ATM: variants seen among roughly 807,000 people sequenced by gnomAD.
ATM encodes the protein serine-protein kinase ATM.
Under a neutral mutation model 387.0 loss-of-function variants are expected in ATM, and 308 were observed. The observed-to-expected ratio is 0.80, with a 90% confidence interval of 0.73 to 0.87. ATM has a LOEUF of 0.87. Among genes scored for constraint, ATM ranks in the 40% least tolerant of loss-of-function variants. The pLI, the probability that ATM is intolerant of heterozygous loss-of-function variation, is 0.00. For synonymous variants in ATM, 1,156 were observed against 1,187.3 expected (o/e 0.97, Z 0.54); for missense variants, 3,312 against 3,560.9 (o/e 0.93, Z 1.78).
chr11:108,247,193 T>C, intron 8 of ATM, 66 bp downstream of exon 8: 1 of 1,560,102 alleles, frequency 6.4e-7, no homozygotes, highest in African/African-American at 1.4e-5. Flanking sequence ...ACTGGGCATT[T>C]TGGGCTTTTA....
At chr11:108,359,122 CAA>C (rs1401553049) in intron 61 of ATM, among the ~76,000 whole-genome samples, 2 of 148,122 alleles carry the variant, frequency 1.4e-5, no homozygotes, top group African/African-American at 5.0e-5. Context: ...AAATGGAAAA[CAA>C]AAAAAGGCAG....
At chr11:108,287,758 A>C in intron 27 of ATM, 43 bp downstream of exon 27, 1 of 1,379,252 alleles carries the variant, frequency 7.3e-7, no homozygotes, top group Non-Finnish European at 1.0e-6. Flanking sequence ...TAACTTCACA[A>C]GTTTTTAAAG....
At chr11:108,361,395 G>A (rs1290628413) in intron 61 of ATM, among the ~76,000 whole-genome samples, 7 of 151,512 alleles carry the variant, frequency 4.6e-5, no homozygotes, top group Admixed American at 4.6e-4. Flanking sequence ...CAGATTCAAT[G>A]GCATCCCCAT....
rs1565532289 is a variant in ATM, at chr11:108,331,495, T to C, written c.7567T>C (p.Leu2523=). Reference sequence around the variant, plus strand: ...TAAATTTTTGCCTCTTATGTACCAATTGGCTGCTAGAATGGGGACCAAGAT... The same window carrying C: ...TAAATTTTTGCCTCTTATGTACCAACTGGCTGCTAGAATGGGGACCAAGAT... ...TYKFLPLMYQ[L]AARMGTKMMG... The change falls in exon 51 of 63, where the codon TTG becomes CTG. Residue 2523 remains leucine (L), a synonymous_variant. Coordinates refer to ENST00000675843, the MANE Select transcript of ATM (RefSeq NM_000051.4). 3 of 1,613,566 alleles carry C rather than the reference T, an allele frequency of 1.9e-6. No homozygotes were observed. The highest frequency in any genetic ancestry group is 1.1e-5 in the South Asian group (1 of 91,030).
At chr11:108,224,712 T>C (rs2078654692) in intron 1 of ATM, 1 of 152,226 alleles carries the variant, frequency 6.6e-6, no homozygotes, top group African/African-American at 2.4e-5. Flanking sequence ...CTGAGATATA[T>C]GTTCCCTGAC....
intron 17 of ATM, 68 bp from the exon 18 acceptor site, chr11:108,268,342 G>A (rs2135521059): frequency 7.0e-7 from 1 of 1,424,410 alleles, no homozygotes; most frequent in African/African-American, 1.4e-5. Context: ...GAGGAAATTT[G>A]AGTTAATATG....
At chr11:108,336,311 AAAGAAG>A (rs375553417) in intron 56 of ATM, 9 of 195,980 alleles carry the variant, frequency 4.6e-5, no homozygotes, top group East Asian at 2.7e-4. Context: ...CCCGTTTAAA[AAAGAAG>A]AAGAAGAAGA....
chr11:108,224,686 T>G (rs2078653167), intron 1 of ATM: 1 of 152,236 alleles, frequency 6.6e-6, no homozygotes, highest in East Asian at 1.9e-4. Context: ...AGATCTTGGC[T>G]TTATTATAAA....
At chr11:108,359,058 G>C (rs901301352) in intron 61 of ATM, among the ~76,000 whole-genome samples, 1 of 148,664 alleles carries the variant, frequency 6.7e-6, no homozygotes, top group African/African-American at 2.5e-5. Context: ...CCCATCTCAC[G>C]TGCAGAGACA....
chr11:108,306,760 T>C (rs1211958898), intron 37 of ATM, among the ~76,000 whole-genome samples: 1 of 152,234 alleles, frequency 6.6e-6, no homozygotes, highest in East Asian at 1.9e-4. Flanking sequence ...AAACGTCCCA[T>C]GTGCATCTCA....
chr11:108,337,566 G>C (rs1285224624), intron 56 of ATM, among the ~76,000 whole-genome samples: 1 of 152,180 alleles, frequency 6.6e-6, no homozygotes, highest in Non-Finnish European at 1.5e-5. Context: ...TTTCTAGCAA[G>C]ATACCAGTTA....
intron 16 of ATM, among the ~76,000 whole-genome samples, chr11:108,263,802 A>G (rs2081055403): frequency 6.6e-6 from 1 of 150,900 alleles, no homozygotes; most frequent in African/African-American, 2.4e-5. Context: ...AGGGGATATC[A>G]CCACCGATCC....
intron 39 of ATM, among the ~76,000 whole-genome samples, chr11:108,311,576 T>C (rs1174153127): frequency 6.6e-6 from 1 of 152,038 alleles, no homozygotes; most frequent in Non-Finnish European, 1.5e-5. Context: ...CCTGCACATG[T>C]AGTCCCAGCA....
rs144497088 is a variant in ATM, at chr11:108,327,705, G to A, written c.7036G>A (p.Ala2346Thr). The A allele has an allele frequency of 6.2e-7, 1 of 1,614,034 alleles. No individual in the cohort carries two copies. Among genetic ancestry groups the A allele is most frequent in the Non-Finnish European group, 8.5e-7 (1 of 1,179,964 alleles). ...TCTGAGGGTTTGTGGCAACTGGTTAGCAGAAACGTGCTTAGAAAATCCTGC... is the reference window on the plus strand; with the variant it reads ...TCTGAGGGTTTGTGGCAACTGGTTAACAGAAACGTGCTTAGAAAATCCTGC... ...ECLRVCGNWL[A>T]ETCLENPAVI... Residue 2346 changes from alanine (A) to threonine (T), a missense_variant, in exon 48 of 63, where the codon GCA becomes ACA. This residue lies in a region of ATM where 1,405 missense variants were observed against 1,604.4 expected (regional missense o/e 0.88). Coordinates refer to ENST00000675843, the MANE Select transcript of ATM (RefSeq NM_000051.4).
At position 108,235,763 on chromosome 11, in the gene ATM, G is replaced by A. The variant is rs755618506; in HGVS notation, c.425G>A (p.Ser142Asn). Reference protein sequence around the residue: ...SNGAIYGADCSNILLKDILSV... With the variant: ...SNGAIYGADCNNILLKDILSV... The stretch of plus-strand genomic sequence containing the variant: ...GGTGCTATTTACGGAGCTGATTGTA[G>A]CAACATACTACTCAAAGACATTCTT... The change falls in exon 5 of 63, where the codon AGC becomes AAC. Residue 142 changes from serine (S) to asparagine (N), a missense_variant. Around this residue, in one of 4 missense-constraint regions of ATM, gnomAD observed 1,791 missense variants for 1,804.5 expected, o/e 0.99. Coordinates refer to ENST00000675843, the MANE Select transcript of ATM (RefSeq NM_000051.4). 9 of 1,613,538 alleles carry A rather than the reference G, an allele frequency of 5.6e-6. No homozygotes were observed. The African/African-American group carries it at 9.3e-5, about 17-fold the overall frequency.
intron 16 of ATM, among the ~76,000 whole-genome samples, chr11:108,263,131 A>C (rs1312766613): frequency 2.7e-5 from 4 of 149,644 alleles, no homozygotes; most frequent in Non-Finnish European, 6.0e-5. Context: ...TGCACCAAGC[A>C]GACCTAATAG....
At chr11:108,235,213 T>G (rs1164056144) in intron 4 of ATM, among the ~76,000 whole-genome samples, 2 of 151,724 alleles carry the variant, frequency 1.3e-5, no homozygotes, top group African/African-American at 4.9e-5. Flanking sequence ...GGAGAATTAC[T>G]TGAACCCAGG....
chr11:108,358,960 G>C (rs1387605673), intron 61 of ATM, among the ~76,000 whole-genome samples: 3 of 152,124 alleles, frequency 2.0e-5, no homozygotes, highest in Admixed American at 6.5e-5. Context: ...AACTTTAAAT[G>C]TATATGGACT....
rs587782255 is a variant in ATM at position 108,259,023 on chromosome 11, G to T, written c.2414G>T (p.Arg805Leu). The change falls in exon 16 of 63, where the codon CGA (arginine) becomes CTA (leucine). Residue 805 changes from arginine to leucine, a missense_variant. Arg to Leu is a moderately radical substitution (Grantham distance 102, BLOSUM62 -2). Around this residue, in one of 4 missense-constraint regions of ATM, gnomAD observed 1,791 missense variants for 1,804.5 expected, o/e 0.99. Transcript: ENST00000675843. The part of the protein sequence containing the change: ...PNKIASGFFL[R>L]LLTSKLMNDI... The stretch of plus-strand genomic sequence containing the variant: ...AAGATTGCATCTGGCTTTTTCCTGC[G>T]ATTGTTAACATCAAAGCTAATGAAT... 6.2e-7 allele frequency: 1 copy of T among 1,613,744 alleles called. No individual in the cohort carries two copies. The highest frequency in any genetic ancestry group is 1.1e-5 in the South Asian group (1 of 91,080).
Sources: gnomAD v4.1 joint callset for allele counts (sites outside exome capture counted in the v4.1 genomes callset) on GRCh38, gnomAD v4.1.1 for gene constraint, gnomAD v4.1.1 regional missense constraint, MANE v1.5 for transcripts, NCBI Gene and HGNC (gene_info 2026-07-23, HGNC 2026-07-21) for gene names.